The following CTNNA1 variants were observed in gnomAD, a reference collection of about 807,000 sequenced individuals.
The protein encoded by CTNNA1 is catenin alpha 1, also known as catenin alpha-1.
CTNNA1 carries 37 observed loss-of-function variants against 98.4 expected under a neutral mutation model. The observed-to-expected ratio is 0.38, with a 90% CI of 0.29 to 0.49. The LOEUF is 0.49. Among genes scored for constraint, CTNNA1 ranks in the 20% least tolerant of loss-of-function variants. The probability of loss-of-function intolerance (pLI) is 0.95; values close to 1 mark genes in which losing one functional copy is unlikely to be tolerated. For missense variants in CTNNA1, 761 were observed against 1,147.2 expected (o/e 0.66, Z 4.86); for synonymous variants, 404 against 413.2 (o/e 0.98, Z 0.27).
At chr5:138,850,142 A>C (rs899644819) in intron 7 of CTNNA1, among the ~76,000 whole-genome samples, 2 of 152,104 alleles carry the variant, frequency 1.3e-5, no homozygotes, top group Non-Finnish European at 2.9e-5. Flanking sequence ...TGTTTTCCTA[A>C]TGTTTATTTA....
At chr5:138,776,700 G>A (rs1170593077) in intron 1 of CTNNA1, among the ~76,000 whole-genome samples, 2 of 149,414 alleles carry the variant, frequency 1.3e-5, no homozygotes, top group Admixed American at 6.6e-5. Flanking sequence ...CCTCCCGGAC[G>A]GGGCGGCTGG....
In CTNNA1 at chr5:138,930,516, C is replaced by T. The variant is rs369619831; in HGVS notation, c.2054C>T (p.Ala685Val). ...CCCCAGGAGCAAAAAGCGAAGATTGCGGAACAGGTGGCCAGCTTCCAGGAA... is the reference window on the plus strand; with the variant it reads ...CCCCAGGAGCAAAAAGCGAAGATTGTGGAACAGGTGGCCAGCTTCCAGGAA... The part of the protein sequence containing the change: ...QLPQEQKAKI[A>V]EQVASFQEEK... Residue 685 changes from alanine (A) to valine (V), a missense_variant, in exon 15 of 18, where the codon GCG (alanine) becomes GTG (valine). Coordinates refer to ENST00000302763, the MANE Select transcript of CTNNA1 (RefSeq NM_001903.5). 1.2e-6 allele frequency: 2 copies of T among 1,613,602 alleles called. No homozygotes were observed. The highest frequency in any genetic ancestry group is 1.7e-6 in the Non-Finnish European group (2 of 1,179,620).
Position 138,933,782 on chromosome 5 carries a change from C to A in CTNNA1, c.2434-20C>A, listed in dbSNP as rs1765960041. ...TGGAGGTCAGGCCGGTGCTTCTTAC[C>A]ACCCCTGTCTGCCTCGTAGGTGGAC... is the stretch of plus-strand genomic sequence containing the variant. On this transcript the variant is annotated intron_variant, in intron 17 of 17. Transcript: ENST00000302763. The A allele has an allele frequency of 3.7e-6, 6 of 1,608,210 alleles. No homozygotes were observed. The highest frequency in any genetic ancestry group is 5.1e-6 in the Non-Finnish European group (6 of 1,177,308).
At chr5:138,777,107 G>A (rs879305031) in intron 1 of CTNNA1, among the ~76,000 whole-genome samples, 1,531 of 124,774 alleles carry the variant, frequency 0.012, no homozygotes, top group Admixed American at 0.018. Flanking sequence ...CATATGGGGC[G>A]GTTGCCAGGC....
At chr5:138,765,430 C>T (rs1019337166) in intron 1 of CTNNA1, among the ~76,000 whole-genome samples, 2 of 152,116 alleles carry the variant, frequency 1.3e-5, no homozygotes, top group African/African-American at 4.8e-5. Context: ...GATCCACCAG[C>T]CTCTTCCTCC....
At chr5:138,794,361 A>G (rs1445435999) in intron 3 of CTNNA1, among the ~76,000 whole-genome samples, 1 of 152,178 alleles carries the variant, frequency 6.6e-6, no homozygotes, top group Admixed American at 6.5e-5. Flanking sequence ...TTAAAAAAAA[A>G]ACAAAAAAAC....
At chr5:138,890,743 C>G (rs1755156788) in intron 9 of CTNNA1, among the ~76,000 whole-genome samples, 1 of 152,164 alleles carries the variant, frequency 6.6e-6, no homozygotes, top group African/African-American at 2.4e-5. Context: ...GTCCCCTTCC[C>G]TGAAAGCCCC....
At chr5:138,834,688 A>C (rs1761604718) in intron 7 of CTNNA1, among the ~76,000 whole-genome samples, 1 of 152,224 alleles carries the variant, frequency 6.6e-6, no homozygotes, top group South Asian at 2.1e-4. Flanking sequence ...AAATACTGGA[A>C]TCTAAATTTC....
intron 17 of CTNNA1, 106 bp from the exon 18 acceptor site, chr5:138,933,696 C>A: frequency 8.3e-7 from 1 of 1,197,682 alleles, no homozygotes; most frequent in South Asian, 1.5e-5. Flanking sequence ...TGCCCAGGCC[C>A]TGGTCTTGCA....
intron 3 of CTNNA1, among the ~76,000 whole-genome samples, chr5:138,792,320 C>T (rs1362312432): frequency 6.6e-6 from 1 of 152,184 alleles, no homozygotes; most frequent in Non-Finnish European, 1.5e-5. Flanking sequence ...GCTCTTGAGG[C>T]ATGATTTTCT....
At chr5:138,861,109 C>T (rs1764231457) in intron 7 of CTNNA1, among the ~76,000 whole-genome samples, 3 of 151,874 alleles carry the variant, frequency 2.0e-5, no homozygotes, top group Non-Finnish European at 4.4e-5. Context: ...AACCTTTCAG[C>T]TGTCAGGTTC....
At chr5:138,759,188 A>T (rs1752043629) in intron 1 of CTNNA1, among the ~76,000 whole-genome samples, 1 of 151,180 alleles carries the variant, frequency 6.6e-6, no homozygotes, top group African/African-American at 2.4e-5. Flanking sequence ...GGACTTTTTA[A>T]TTTTTTTTTG....
At chr5:138,932,302 G>A in intron 16 of CTNNA1, 1 of 1,221,364 alleles carries the variant, frequency 8.2e-7, no homozygotes, top group Non-Finnish European at 1.0e-6. Context: ...GTCATAGGAG[G>A]GAAGTCAGTG....
chr5:138,894,044 A>G (rs1393191973), intron 9 of CTNNA1, among the ~76,000 whole-genome samples: 1 of 151,694 alleles, frequency 6.6e-6, no homozygotes, highest in African/African-American at 2.4e-5. Flanking sequence ...CAGCCTCCCA[A>G]GTAGCTGGGA....
intron 7 of CTNNA1, among the ~76,000 whole-genome samples, chr5:138,840,473 T>C (rs528153363): frequency 2.0e-5 from 3 of 152,366 alleles, no homozygotes; most frequent in Non-Finnish European, 4.4e-5. Flanking sequence ...AATTGGTGTT[T>C]TTAGGGAAAA....
chr5:138,781,580 CT>C (rs981162218), intron 1 of CTNNA1, among the ~76,000 whole-genome samples: 27 of 150,884 alleles, frequency 1.8e-4, no homozygotes, highest in Non-Finnish European at 3.5e-4. Context: ...AAGAAAGTAG[CT>C]TTCATTCACT....
chr5:138,776,527 G>C (rs1440977497), intron 1 of CTNNA1, among the ~76,000 whole-genome samples: 3 of 152,150 alleles, frequency 2.0e-5, no homozygotes, highest in Non-Finnish European at 1.5e-5. Flanking sequence ...AACCGCCATC[G>C]TCATCATGGC....
chr5:138,813,358 C>G (rs1428028944), intron 5 of CTNNA1, among the ~76,000 whole-genome samples: 2 of 152,162 alleles, frequency 1.3e-5, no homozygotes, highest in Non-Finnish European at 2.9e-5. Flanking sequence ...GTAGACTTGT[C>G]CTAAATCTGA....
chr5:138,815,470 A>G (rs1488182344), intron 5 of CTNNA1, among the ~76,000 whole-genome samples: 1 of 151,820 alleles, frequency 6.6e-6, no homozygotes, highest in Non-Finnish European at 1.5e-5. Flanking sequence ...CTAGGGTGTT[A>G]CTCTTAGGCC....
Sources: allele counts gnomAD v4.1 joint callset (sites outside exome capture counted in the v4.1 genomes callset), GRCh38; gene constraint gnomAD v4.1.1; transcripts MANE v1.5; gene names NCBI Gene and HGNC (gene_info 2026-07-23, HGNC 2026-07-21).